The following FANCD2 variants were observed in gnomAD, a reference collection of about 807,000 sequenced individuals.
FANCD2 encodes the protein Fanconi anemia group D2 protein.
Under a neutral mutation model 192.3 loss-of-function variants are expected in FANCD2, and 131 were observed. That is an observed-to-expected ratio of 0.68 (90% CI 0.59 to 0.79). The LOEUF (loss-of-function observed/expected upper bound fraction) is 0.79. Among genes scored for constraint, FANCD2 ranks in the 30% least tolerant of loss-of-function variants. The pLI, the probability that FANCD2 is intolerant of heterozygous loss-of-function variation, is 0.00. For missense variants in FANCD2, 1,508 were observed against 1,701.6 expected, an observed-to-expected ratio of 0.89 and a Z score of 2.00; for synonymous variants, 524 against 612.5, an observed-to-expected ratio of 0.86 and a Z score of 2.13.
chr3:10,034,286 C>G (rs1260663058), intron 3 of FANCD2, among the ~76,000 whole-genome samples, 183 bp from the exon 4 acceptor site: 2 of 141,490 alleles, frequency 1.4e-5, no homozygotes, highest in Non-Finnish European at 3.0e-5. Flanking sequence ...GATCACGCCA[C>G]TGCACTCCAG....
At chr3:10,031,304 C>A (rs993963166) in intron 2 of FANCD2, among the ~76,000 whole-genome samples, 1 of 152,072 alleles carries the variant, frequency 6.6e-6, no homozygotes, top group Non-Finnish European at 1.5e-5. Context: ...GAGATTGAGA[C>A]CATCTTGGCT....
intron 14 of FANCD2, among the ~76,000 whole-genome samples, chr3:10,046,028 T>C (rs1432092614): frequency 1.3e-5 from 2 of 151,106 alleles, no homozygotes; most frequent in Admixed American, 1.3e-4. Context: ...TGTAGTAATA[T>C]CACTTTCATG....
chr3:10,084,064 G>A (rs1237110699), intron 32 of FANCD2, among the ~76,000 whole-genome samples: 1 of 151,476 alleles, frequency 6.6e-6, no homozygotes, highest in Non-Finnish European at 1.5e-5. Context: ...CGCGATCTCG[G>A]CTCACTATAA....
intron 32 of FANCD2, among the ~76,000 whole-genome samples, chr3:10,085,394 C>CT (rs1242296810): frequency 0.015 from 2,030 of 136,792 alleles, 39 homozygotes; most frequent in African/African-American, 0.038. Context: ...TTTTTTCTTT[C>CT]TTTTTTTTTT....
Position 10,085,856 on chromosome 3 carries a change from C to T in FANCD2, c.3269C>T (p.Ala1090Val), listed in dbSNP as rs2125069451. Residue 1090 changes from alanine (A) to valine (V), a missense_variant, in exon 33 of 44, where the codon GCC becomes GTC. Coordinates refer to ENST00000675286, the MANE Select transcript of FANCD2 (RefSeq NM_001018115.3). ...QPENQNLLYS[A>V]LHVLSSRLKQ... is the part of the protein sequence containing the mutation. ...GAAAATCAGAATTTACTGTATTCAG[C>T]CCTCCATGTCCTTAGTAGCCGACTG... The T allele has an allele frequency of 6.2e-7, 1 of 1,613,790 alleles. No individual in the cohort carries two copies. The highest frequency in any genetic ancestry group is 8.5e-7 in the Non-Finnish European group (1 of 1,179,736).
chr3:10,052,569 G>A, intron 18 of FANCD2, 72 bp downstream of exon 18: 1 of 1,017,538 alleles, frequency 9.8e-7, no homozygotes, highest in South Asian at 1.3e-5. Flanking sequence ...CTAGACTGGA[G>A]TGCAGTTGGC....
At position 10,073,320 on chromosome 3, in the gene FANCD2, A is replaced by G; in HGVS notation, c.2673A>G (p.Ser891=). The change falls in exon 28 of 44, where the codon TCA becomes TCG. Residue 891 remains serine (S), a synonymous_variant. Transcript: ENST00000675286. ...ACACACTTTCAGAAGAGAAAAATTCAGAATGTGACCCTACGCCATCTCATA... is the reference window on the plus strand; with the variant it reads ...ACACACTTTCAGAAGAGAAAAATTCGGAATGTGACCCTACGCCATCTCATA... ...SSDTLSEEKN[S]ECDPTPSHRG... 6.2e-7 allele frequency: 1 copy of G among 1,613,978 alleles called. No homozygotes were observed. The highest frequency in any genetic ancestry group is 1.1e-5 in the South Asian group (1 of 91,070).
intron 10 of FANCD2, among the ~76,000 whole-genome samples, chr3:10,042,139 AC>A (rs1237573341): frequency 1.3e-5 from 2 of 149,814 alleles, no homozygotes; most frequent in Non-Finnish European, 3.0e-5. Flanking sequence ...CTTGTTTTCC[AC>A]CCCCCTCGGC....
In FANCD2 at chr3:10,052,374, A is replaced by G; in HGVS notation, c.1546-13A>G. The G allele has an allele frequency of 6.5e-7, 1 of 1,541,686 alleles. No individual in the cohort carries two copies. The highest frequency in any genetic ancestry group is 9.0e-7 in the Non-Finnish European group (1 of 1,114,214). Reference sequence around the variant, plus strand: ...AGCTGCTAGCCTCATTGTTGGCATCATTTTTTCCACAGGGCATTTTAGATT... The same window carrying G: ...AGCTGCTAGCCTCATTGTTGGCATCGTTTTTTCCACAGGGCATTTTAGATT... On this transcript the variant is annotated splice_polypyrimidine_tract_variant and intron_variant, in intron 17 of 43. Coordinates refer to ENST00000675286, the MANE Select transcript of FANCD2 (RefSeq NM_001018115.3).
intron 34 of FANCD2, 152 bp downstream of exon 34, chr3:10,087,416 TC>T: frequency 1.3e-6 from 1 of 742,270 alleles, no homozygotes; most frequent in South Asian, 1.8e-5. Context: ...AAGGTCATTT[TC>T]CCAGAACAAC....
Position 10,074,613 on chromosome 3 carries a change from C to T in FANCD2, c.2799C>T (p.Phe933=). ...AFFRELDIEV[F]SILHCGLVTK... ...TCCGAGAGCTGGACATTGAGGTCTTCTCTATTCTACATTGTGGACTTGTGA... is the reference window on the plus strand; with the variant it reads ...TCCGAGAGCTGGACATTGAGGTCTTTTCTATTCTACATTGTGGACTTGTGA... The change falls in exon 29 of 44, where the codon TTC becomes TTT. Residue 933 remains phenylalanine, a synonymous_variant. Transcript: ENST00000675286. 6.2e-7 allele frequency: 1 copy of T among 1,613,634 alleles called. No individual in the cohort carries two copies. Among genetic ancestry groups the T allele is most frequent in the Non-Finnish European group, 8.5e-7 (1 of 1,179,670 alleles).
intron 2 of FANCD2, among the ~76,000 whole-genome samples, chr3:10,032,099 C>A (rs1263134690): frequency 2.0e-5 from 3 of 152,086 alleles, no homozygotes; most frequent in African/African-American, 7.2e-5. Flanking sequence ...CCTGCCTCGG[C>A]CTCCCAAAGT....
At chr3:10,061,706 A>G (rs1285771568) in intron 19 of FANCD2, among the ~76,000 whole-genome samples, 4 of 152,218 alleles carry the variant, frequency 2.6e-5, no homozygotes, top group Non-Finnish European at 5.9e-5. Flanking sequence ...AAAAAAATAT[A>G]TAGGATAACC....
rs772092834 is a variant in FANCD2, at chr3:10,085,828, C to A, written c.3241C>A (p.Pro1081Thr). The A allele has an allele frequency of 5.6e-6, 9 of 1,612,338 alleles. No individual in the cohort carries two copies. The highest frequency in any genetic ancestry group is 7.6e-6 in the Non-Finnish European group (9 of 1,178,484). The change falls in exon 33 of 44, where the codon CCT becomes ACT. Residue 1081 changes from proline to threonine, a missense_variant. By Grantham distance (38) the Pro-to-Thr change is conservative. Around this residue, in one of 5 missense-constraint regions of FANCD2, gnomAD observed 796 missense variants for 879.4 expected, o/e 0.91. Transcript: ENST00000675286. ...GLFAWSGFSQPENQNLLYSAL... is the reference protein window; with the variant it reads ...GLFAWSGFSQTENQNLLYSAL... ...CTTCCTTAGGAGTGGATTTTCTCAA[C>A]CTGAAAATCAGAATTTACTGTATTC...
At chr3:10,036,418 T>C (rs538154240) in intron 7 of FANCD2, 79 bp downstream of exon 7, 86 of 1,090,104 alleles carry the variant, frequency 7.9e-5, no homozygotes, top group Non-Finnish European at 9.4e-5. Context: ...CTGAAAACTA[T>C]TGGTTTCTCT....
In FANCD2 at chr3:10,036,307, AT is replaced by A; in HGVS notation, c.462del (p.Phe154LeufsTer27). The stretch of plus-strand genomic sequence containing the variant: ...TTTAGCCTGCCATTATCAAAACCTT[AT>A]TTGAGAAGTTGCCAGAATATTTTTT... Reference protein sequence around the residue: ...ILQPAIIKTLFEKLPEYFFEN... With the variant: ...ILQPAIIKTLXEKLPEYFFEN... On this transcript the variant is annotated frameshift_variant, in exon 7 of 44. Transcript: ENST00000675286. LOFTEE classifies it high-confidence loss of function. The A allele has an allele frequency of 6.2e-7, 1 of 1,612,812 alleles. No individual in the cohort carries two copies. The highest frequency in any genetic ancestry group is 8.5e-7 in the Non-Finnish European group (1 of 1,179,132).
chr3:10,065,103 A>G (rs940446556), intron 23 of FANCD2, among the ~76,000 whole-genome samples: 1 of 152,198 alleles, frequency 6.6e-6, no homozygotes, highest in African/African-American at 2.4e-5. Flanking sequence ...TTTCTGGCCA[A>G]CGTGGCGAAA....
intron 29 of FANCD2, among the ~76,000 whole-genome samples, chr3:10,075,479 C>T (rs1161767437): frequency 7.9e-5 from 12 of 152,132 alleles, no homozygotes; most frequent in South Asian, 2.1e-4. Flanking sequence ...CCCCCGTGCC[C>T]GGCCCCATAG....
intron 43 of FANCD2, 142 bp from the exon 44 acceptor site, chr3:10,101,046 T>A (rs1345143381): frequency 9.8e-6 from 6 of 610,386 alleles, no homozygotes; most frequent in Admixed American, 5.0e-5. Flanking sequence ...TCCAGCCTGG[T>A]GACAGAGCAA....
Sources: allele counts gnomAD v4.1 joint callset (sites outside exome capture counted in the v4.1 genomes callset), GRCh38; gene constraint gnomAD v4.1.1; regional missense constraint gnomAD v4.1.1; transcripts MANE v1.5; gene names NCBI Gene and HGNC (gene_info 2026-07-23, HGNC 2026-07-21).